Variants in RBM47 observed in about 807,000 individuals in gnomAD.
RBM47 encodes the protein RNA binding motif protein 47.
In RBM47, 21 loss-of-function variants were observed where a neutral mutation model predicts 47.1. That is an observed-to-expected ratio of 0.45 (90% confidence interval 0.32 to 0.64). The LOEUF (loss-of-function observed/expected upper bound fraction) is 0.64, where lower values mean the gene tolerates loss of function less well. Among genes scored for constraint, RBM47 ranks in the 30% least tolerant of loss-of-function variants. The pLI, the probability that RBM47 is intolerant of heterozygous loss-of-function variation, is 0.05. For synonymous variants in RBM47, 375 were observed against 361.7 expected (o/e 1.04, Z -0.42); for missense variants, 708 against 870.9 (o/e 0.81, Z 2.35).
intron 2 of RBM47, among the ~76,000 whole-genome samples, chr4:40,481,060 T>C (rs1263698095): frequency 6.6e-6 from 1 of 152,158 alleles, no homozygotes; most frequent in Non-Finnish European, 1.5e-5. Context: ...TGTGTGGTTT[T>C]GCCAAGTATT....
chr4:40,427,098 C>A (rs537837390), intron 6 of RBM47: 2 of 152,276 alleles, frequency 1.3e-5, no homozygotes, highest in East Asian at 3.9e-4. Context: ...ATATACTGAT[C>A]TCCAAAGGGA....
chr4:40,482,857 A>C (rs1179785439), intron 2 of RBM47, among the ~76,000 whole-genome samples: 1 of 152,220 alleles, frequency 6.6e-6, no homozygotes, highest in Non-Finnish European at 1.5e-5. Context: ...CTTGTGGTTC[A>C]GTTCTTATTT....
At chr4:40,570,762 T>A (rs558965838) in intron 1 of RBM47, among the ~76,000 whole-genome samples, 1 of 152,136 alleles carries the variant, frequency 6.6e-6, no homozygotes, top group Non-Finnish European at 1.5e-5. Flanking sequence ...AAGAAATATC[T>A]AATAAATTTC....
chr4:40,463,889 T>C (rs1717554662), intron 3 of RBM47, among the ~76,000 whole-genome samples: 1 of 152,104 alleles, frequency 6.6e-6, no homozygotes, highest in African/African-American at 2.4e-5. Flanking sequence ...GAAACGCACA[T>C]TGCCATATAT....
In RBM47 at chr4:40,437,110, T is replaced by TATATATATAA. The variant is rs1434102827; in HGVS notation, c.1124-464_1124-463insTTATATATAT. Among the ~76,000 whole-genome samples, 53 of 59,622 alleles carry TATATATATAA rather than the reference T, an allele frequency of 8.9e-4. 5 individuals carry two copies. Among genetic ancestry groups the TATATATATAA allele is most frequent in the African/African-American group, 3.8e-3 (39 of 10,346 alleles). The allele number at this position is 59,622 out of a possible 152,430, so 39.1% of individuals were successfully genotyped here. A position where few individuals can be genotyped will look rare whatever the true frequency, so the allele number is the denominator to read the frequency against. ...AAAAAAATATATATATATATATATA[T>TATATATATAA]AAAATACATATATATATATATAAAA... is the stretch of plus-strand genomic sequence containing the variant. On this transcript the variant is annotated intron_variant, in intron 4 of 6. Transcript: ENST00000295971.
chr4:40,473,489 C>A (rs570423874), intron 2 of RBM47, among the ~76,000 whole-genome samples: 1 of 152,282 alleles, frequency 6.6e-6, no homozygotes, highest in South Asian at 2.1e-4. Context: ...ACCTGAATGG[C>A]AAATTCATGA....
chr4:40,495,155 G>C (rs1722403522), intron 2 of RBM47, among the ~76,000 whole-genome samples: 1 of 152,060 alleles, frequency 6.6e-6, no homozygotes, highest in South Asian at 2.1e-4. Flanking sequence ...CAAAAGTTCT[G>C]AATTAACAAA....
At chr4:40,606,135 T>A (rs1413154462) in intron 1 of RBM47, among the ~76,000 whole-genome samples, 1 of 150,060 alleles carries the variant, frequency 6.7e-6, no homozygotes, top group African/African-American at 2.4e-5. Context: ...GAGGTAGAGG[T>A]TGCAGTGAGC....
chr4:40,498,136 T>G (rs1722891644), intron 2 of RBM47, among the ~76,000 whole-genome samples: 1 of 147,838 alleles, frequency 6.8e-6, no homozygotes. Flanking sequence ...CAGACCAACT[T>G]CAAAATTCTA....
At chr4:40,506,002 G>A (rs1336171439) in intron 2 of RBM47, among the ~76,000 whole-genome samples, 1 of 152,100 alleles carries the variant, frequency 6.6e-6, no homozygotes, top group Non-Finnish European at 1.5e-5. Context: ...GGGTTGGGTG[G>A]GCAGTGAGCT....
At chr4:40,532,953 G>C (rs894956876) in intron 2 of RBM47, among the ~76,000 whole-genome samples, 1 of 152,070 alleles carries the variant, frequency 6.6e-6, no homozygotes, top group Admixed American at 6.6e-5. Flanking sequence ...TTACAAAGAG[G>C]ATCTGTAGCT....
chr4:40,507,632 C>CAAAAAA lies in RBM47; in HGVS notation c.-155+36789_-155+36790insTTTTTT, dbSNP rs1290865114. On this transcript the variant is annotated intron_variant, in intron 2 of 6. Coordinates refer to ENST00000295971, the MANE Select transcript of RBM47 (RefSeq NM_001098634.2). ...TGAAACCCCGTCTCTACTAAAAATA[C>CAAAAAA]AAAAATTAGCCGGGCGTGGTGGCGT... is the stretch of plus-strand genomic sequence containing the variant. Among the ~76,000 whole-genome samples, 4 of 152,120 alleles carry CAAAAAA rather than the reference C, an allele frequency of 2.6e-5. No individual in the cohort carries two copies. The East Asian group carries it at 5.8e-4, about 22-fold the overall frequency.
intron 1 of RBM47, among the ~76,000 whole-genome samples, chr4:40,613,199 G>C (rs559332859): frequency 1.3e-5 from 2 of 152,206 alleles, no homozygotes; most frequent in East Asian, 3.9e-4. Flanking sequence ...ATGAAGTCAA[G>C]ATACAGTCTT....
intron 2 of RBM47, among the ~76,000 whole-genome samples, chr4:40,487,652 T>C (rs1315796657): frequency 6.6e-6 from 1 of 152,112 alleles, no homozygotes; most frequent in Non-Finnish European, 1.5e-5. Flanking sequence ...GTGCTCACCT[T>C]TCACGTCCTG....
At chr4:40,429,496 A>T (rs572289904) in intron 6 of RBM47, among the ~76,000 whole-genome samples, 2 of 152,166 alleles carry the variant, frequency 1.3e-5, no homozygotes, top group East Asian at 3.9e-4. Flanking sequence ...ACCAGTATAC[A>T]ATTGCATTAA....
intron 2 of RBM47, among the ~76,000 whole-genome samples, chr4:40,523,709 C>A (rs1726432664): frequency 6.7e-6 from 1 of 150,256 alleles, no homozygotes; most frequent in East Asian, 1.9e-4. Flanking sequence ...ACAAAAAATA[C>A]CAAAAATTAG....
At chr4:40,602,382 G>A (rs865901256) in intron 1 of RBM47, among the ~76,000 whole-genome samples, 54 of 152,034 alleles carry the variant, frequency 3.6e-4, no homozygotes, top group South Asian at 6.2e-4. Context: ...GGGCGCGGTC[G>A]CTCACGCCTG....
At chr4:40,570,934 G>A (rs1454237435) in intron 1 of RBM47, among the ~76,000 whole-genome samples, 2 of 151,920 alleles carry the variant, frequency 1.3e-5, no homozygotes, top group Non-Finnish European at 2.9e-5. Context: ...AAATACTGAC[G>A]GCTGGGCGCG....
At chr4:40,583,552 C>T (rs1409559983) in intron 1 of RBM47, among the ~76,000 whole-genome samples, 1 of 151,778 alleles carries the variant, frequency 6.6e-6, no homozygotes, top group Non-Finnish European at 1.5e-5. Flanking sequence ...TATTAATTAA[C>T]TAATTAATTC....
Sources: allele counts gnomAD v4.1 joint callset (sites outside exome capture counted in the v4.1 genomes callset), GRCh38; gene constraint gnomAD v4.1.1; transcripts MANE v1.5; gene names NCBI Gene and HGNC (gene_info 2026-07-23, HGNC 2026-07-21).